Variants in SMC2 observed in about 807,000 individuals in gnomAD.
SMC2 encodes the protein structural maintenance of chromosomes protein 2.
In SMC2, 41 loss-of-function variants were observed where a neutral mutation model predicts 142.6. The observed-to-expected ratio is 0.29, with a 90% CI of 0.22 to 0.37. The LOEUF is 0.37. Ranked by LOEUF, SMC2 falls within the 10% of genes least tolerant of loss-of-function variation. The probability of loss-of-function intolerance (pLI) is 1.00; values close to 1 mark genes in which losing one functional copy is unlikely to be tolerated. For synonymous variants in SMC2, 463 were observed against 457.5 expected (o/e 1.01, Z -0.15); for missense variants, 1,265 against 1,373.7 (o/e 0.92, Z 1.25).
rs145902859 is a variant in SMC2, at chr9:104,133,695, A to G, written c.3109-720A>G. 4.4e-3 allele frequency among the ~76,000 whole-genome samples: 664 copies of G among 152,190 alleles called. 4 individuals are homozygous for G. Among genetic ancestry groups the G allele is most frequent in the African/African-American group, 0.015 (624 of 41,542 alleles). ...TATGAACAAAAATTACCCTATTACA[A>G]GCTAGGATTTTGGCCCTAAATCTCT... On this transcript the variant is annotated intron_variant, in intron 22 of 24. Transcript: ENST00000374793.
At chr9:104,118,039 T>A (rs946197715) in intron 14 of SMC2, 132 bp from the exon 15 acceptor site, 3 of 654,312 alleles carry the variant, frequency 4.6e-6, no homozygotes, top group Non-Finnish European at 7.4e-6. Context: ...TTTTAGAAAA[T>A]TCAGAAAGAG....
chr9:104,119,414 C>T (rs1196119394), intron 15 of SMC2, among the ~76,000 whole-genome samples: 1 of 152,128 alleles, frequency 6.6e-6, no homozygotes, highest in Non-Finnish European at 1.5e-5. Flanking sequence ...AATACCTCAA[C>T]CTGTGACTGC....
In SMC2 at chr9:104,106,988, T is replaced by A. The variant is rs185086333; in HGVS notation, c.1020+4415T>A. Reference sequence around the variant, plus strand: ...CCCCGCCATACTATTAGTAGGCACATCTCAGAATCTTAGGACCCGGGGAGC... The same window carrying A: ...CCCCGCCATACTATTAGTAGGCACAACTCAGAATCTTAGGACCCGGGGAGC... On this transcript the variant is annotated intron_variant, in intron 9 of 24. Transcript: ENST00000374793. Among the ~76,000 whole-genome samples, 532 of 152,286 alleles carry A rather than the reference T, an allele frequency of 3.5e-3. 4 individuals carry two copies. Among genetic ancestry groups the A allele is most frequent in the African/African-American group, 0.012 (485 of 41,566 alleles).
At position 104,102,497 on chromosome 9, in the gene SMC2, G is replaced by A. The variant is rs745974283; in HGVS notation, c.944G>A (p.Ser315Asn). 2 of 1,613,730 alleles carry A rather than the reference G, an allele frequency of 1.2e-6. No homozygotes were observed. Among genetic ancestry groups the A allele is most frequent in the South Asian group, 2.2e-5 (2 of 91,046 alleles). Residue 315 changes from serine (S) to asparagine (N), a missense_variant, in exon 9 of 25, where the codon AGC becomes AAC. Transcript: ENST00000374793. ...CAGCGAGTTAATACTAAATCTCAAA[G>A]CGCATTTGATCTCAAGAAGAAAAAT... ...EAQRVNTKSQ[S>N]AFDLKKKNLA... is the part of the protein sequence containing the mutation.
chr9:104,120,178 A>G lies in SMC2; in HGVS notation c.2132+16A>G. 1 of 1,564,914 alleles carries G rather than the reference A, an allele frequency of 6.4e-7. No homozygotes were observed. Among genetic ancestry groups the G allele is most frequent in the South Asian group, 1.2e-5 (1 of 82,588 alleles). On this transcript the variant is annotated intron_variant, in intron 16 of 24. Coordinates refer to ENST00000374793, the MANE Select transcript of SMC2 (RefSeq NM_006444.3). ...CTGCTGAAAAGTAAGAACTGCATATACTTTTTTTAATTAAAGATTTGCATA... is the reference window on the plus strand; with the variant it reads ...CTGCTGAAAAGTAAGAACTGCATATGCTTTTTTTAATTAAAGATTTGCATA...
At chr9:104,134,002 T>C (rs1396230687) in intron 22 of SMC2, among the ~76,000 whole-genome samples, 1 of 152,122 alleles carries the variant, frequency 6.6e-6, no homozygotes, top group Non-Finnish European at 1.5e-5. Context: ...CTCTATTTTG[T>C]GTTTTTTTTC....
rs1833343292 is a variant in SMC2, at chr9:104,118,183, A to G, written c.1804A>G (p.Asn602Asp). The change falls in exon 15 of 25, where the codon AAC (asparagine) becomes GAC (aspartate). Residue 602 changes from asparagine to aspartate, a missense_variant. Physicochemically the swap from Asn to Asp is conservative, Grantham distance 23. This residue lies in a region of SMC2 where 898 missense variants were observed against 904.2 expected (regional missense o/e 0.99). Transcript: ENST00000374793. Reference protein sequence around the residue: ...RVAQNLVGPDNVHVALSLVEY... With the variant: ...RVAQNLVGPDDVHVALSLVEY... ...TGTTGTCCCACAGGTTGGCCCTGAC[A>G]ACGTTCATGTGGCTCTTTCCTTGGT... 3.1e-6 allele frequency: 5 copies of G among 1,613,678 alleles called. No individual in the cohort carries two copies. The highest frequency in any genetic ancestry group is 1.7e-5 in the Admixed American group (1 of 59,996).
At chr9:104,133,455 A>C (rs971119764) in intron 22 of SMC2, among the ~76,000 whole-genome samples, 6 of 152,102 alleles carry the variant, frequency 3.9e-5, no homozygotes, top group East Asian at 1.9e-4. Context: ...TGTGTCTATG[A>C]GATTTTCTTG....
At chr9:104,123,858 T>G (rs375499814) in intron 17 of SMC2, among the ~76,000 whole-genome samples, 73 of 152,332 alleles carry the variant, frequency 4.8e-4, no homozygotes, top group African/African-American at 1.6e-3. Context: ...AATTTTAAGA[T>G]AGCTTATATG....
chr9:104,129,525 A>G, intron 20 of SMC2, 120 bp from the exon 21 acceptor site: 2 of 806,216 alleles, frequency 2.5e-6, no homozygotes, highest in Non-Finnish European at 4.0e-6. Context: ...AAAATTAGTC[A>G]TTGAAGGTTT....
chr9:104,105,110 A>G (rs1007416328), intron 9 of SMC2, among the ~76,000 whole-genome samples: 2 of 152,250 alleles, frequency 1.3e-5, no homozygotes, highest in Non-Finnish European at 2.9e-5. Context: ...GTCTAAAACA[A>G]CTTTCCCAAG....
chr9:104,105,923 G>A (rs1016607568), intron 9 of SMC2, among the ~76,000 whole-genome samples: 20 of 152,288 alleles, frequency 1.3e-4, no homozygotes, highest in African/African-American at 4.8e-4. Flanking sequence ...TGGAAAAAGT[G>A]TATTGACAGG....
In SMC2 at chr9:104,126,628, G is replaced by GT; in HGVS notation, c.2452-12dup. 1 of 1,597,804 alleles carries GT rather than the reference G, an allele frequency of 6.3e-7. No individual in the cohort carries two copies. The highest frequency in any genetic ancestry group is 1.1e-5 in the South Asian group (1 of 89,540). ...TAACCTATATGAATACCTGAATACT[G>GT]TATTTTTTATAGGAAGTTGAAGCTA... On this transcript the variant is annotated splice_polypyrimidine_tract_variant and intron_variant, in intron 18 of 24. Transcript: ENST00000374793.
intron 4 of SMC2, among the ~76,000 whole-genome samples, chr9:104,098,937 C>G (rs1011987260): frequency 4.6e-5 from 7 of 151,968 alleles, no homozygotes; most frequent in Non-Finnish European, 1.0e-4. Context: ...GAGACTCACA[C>G]AAATGAGGAG....
rs185070772 is a variant in SMC2 at position 104,115,124 on chromosome 9, C to G, written c.1671+295C>G. 2.6e-4 allele frequency among the ~76,000 whole-genome samples: 39 copies of G among 152,216 alleles called. No individual in the cohort carries two copies. The East Asian group carries it at 6.0e-3, about 23-fold the overall frequency. On this transcript the variant is annotated intron_variant, in intron 13 of 24. Coordinates refer to ENST00000374793, the MANE Select transcript of SMC2 (RefSeq NM_006444.3). ...TAAATGACCTGTTTTTGATGTCAGTCTTCCCATCAAGGTAACATTGAATTT... is the reference window on the plus strand; with the variant it reads ...TAAATGACCTGTTTTTGATGTCAGTGTTCCCATCAAGGTAACATTGAATTT...
chr9:104,106,363 A>C (rs78733383), intron 9 of SMC2, among the ~76,000 whole-genome samples: 1 of 152,174 alleles, frequency 6.6e-6, no homozygotes, highest in African/African-American at 2.4e-5. Flanking sequence ...TTGTTTCCAC[A>C]TAGGGGATTT....
chr9:104,093,954 T>C (rs535882303), upstream of SMC2, among the ~76,000 whole-genome samples: 4 of 152,314 alleles, frequency 2.6e-5, no homozygotes, highest in South Asian at 8.3e-4. Flanking sequence ...GAGAGAAAAG[T>C]AAGCCACAGC....
intron 19 of SMC2, among the ~76,000 whole-genome samples, chr9:104,127,007 C>G (rs1834376068): frequency 6.6e-6 from 1 of 151,038 alleles, no homozygotes; most frequent in African/African-American, 2.5e-5. Flanking sequence ...ATTCCATCTA[C>G]ATTACATCTA....
At position 104,102,180 on chromosome 9, in the gene SMC2, AAAG is replaced by A. The variant is rs1055383778; in HGVS notation, c.860_862del (p.Arg287del). ...AATCATGAAATAGAAGAATTGGAAA[AAAG>A]AAAAGATAAGGTCTGAACATATGTA... On this transcript the variant is annotated inframe_deletion, in exon 8 of 25. Coordinates refer to ENST00000374793, the MANE Select transcript of SMC2 (RefSeq NM_006444.3). 15 of 1,540,412 alleles carry A rather than the reference AAAG, an allele frequency of 9.7e-6. No individual in the cohort carries two copies. Among genetic ancestry groups the A allele is most frequent in the Middle Eastern group, 2.0e-4 (1 of 5,118 alleles).
Sources: gnomAD v4.1 joint callset for allele counts (sites outside exome capture counted in the v4.1 genomes callset) on GRCh38, gnomAD v4.1.1 for gene constraint, gnomAD v4.1.1 regional missense constraint, MANE v1.5 for transcripts, NCBI Gene and HGNC (gene_info 2026-07-23, HGNC 2026-07-21) for gene names.